Variants in PTPRT observed in about 807,000 individuals in gnomAD.
The protein encoded by PTPRT is receptor-type tyrosine-protein phosphatase T.
In PTPRT, 56 loss-of-function variants were observed where a neutral mutation model predicts 176.8. That is an observed-to-expected ratio of 0.32 (90% CI 0.26 to 0.40). The LOEUF (loss-of-function observed/expected upper bound fraction) is 0.40, where lower values mean the gene tolerates loss of function less well. Among genes scored for constraint, PTPRT ranks in the 10% least tolerant of loss-of-function variants. The pLI is 1.00. For missense variants in PTPRT, 1,540 were observed against 1,908.2 expected (o/e 0.81, Z 3.60); for synonymous variants, 783 against 739.0 (o/e 1.06, Z -0.96).
chr20:42,645,811 G>A (rs1393844341), intron 7 of PTPRT, among the ~76,000 whole-genome samples: 2 of 142,190 alleles, frequency 1.4e-5, no homozygotes, highest in Non-Finnish European at 1.5e-5. Context: ...TGTAGGGAGG[G>A]GTGACAGAGA....
chr20:42,125,800 T>C (rs550800184), intron 19 of PTPRT, among the ~76,000 whole-genome samples: 3 of 152,272 alleles, frequency 2.0e-5, no homozygotes, highest in Non-Finnish European at 4.4e-5. Context: ...TTGGAGTGAG[T>C]GCCTATCTAG....
chr20:42,494,692 T>C (rs1419381916), intron 7 of PTPRT, among the ~76,000 whole-genome samples: 1 of 152,134 alleles, frequency 6.6e-6, no homozygotes, highest in Non-Finnish European at 1.5e-5. Context: ...GAAAAATTAA[T>C]TGTACAAAAG....
At chr20:42,275,785 A>G (rs1432247707) in intron 13 of PTPRT, among the ~76,000 whole-genome samples, 2 of 152,204 alleles carry the variant, frequency 1.3e-5, no homozygotes, top group East Asian at 3.8e-4. Flanking sequence ...TTGACATTTT[A>G]GGACCTAGAA....
At chr20:42,537,711 A>G (rs145927799) in intron 7 of PTPRT, among the ~76,000 whole-genome samples, 5 of 152,190 alleles carry the variant, frequency 3.3e-5, no homozygotes, top group Non-Finnish European at 5.9e-5. Flanking sequence ...GCAACAGGAG[A>G]CAGGATAGAC....
At chr20:42,031,898 T>C in the PTPRT span, among the ~76,000 whole-genome samples, 4 of 152,214 alleles carry the variant, frequency 2.6e-5, no homozygotes, top group Admixed American at 2.0e-4. Context: ...TTCATAACCC[T>C]ATGTATCAGG....
chr20:42,581,249 C>A lies in PTPRT; in HGVS notation c.1153+96617G>T, dbSNP rs367938868. On this transcript the variant is annotated intron_variant, in intron 7 of 30. Transcript: ENST00000373187. Reference sequence around the variant, plus strand: ...TCAATATATCACTTCCTCAATGAGGCCTACTCTTTAAAATTATTAACCACT... The same window carrying A: ...TCAATATATCACTTCCTCAATGAGGACTACTCTTTAAAATTATTAACCACT... 3.1e-3 allele frequency among the ~76,000 whole-genome samples: 469 copies of A among 152,280 alleles called. 20 individuals are homozygous for A. The South Asian group carries it at 0.093, about 30-fold the overall frequency.
chr20:42,453,590 T>A (rs1366896217), intron 8 of PTPRT, among the ~76,000 whole-genome samples: 1 of 152,004 alleles, frequency 6.6e-6, no homozygotes, highest in Non-Finnish European at 1.5e-5. Flanking sequence ...GTCTCCTTTT[T>A]CTTTCTCCAT....
intron 2 of PTPRT, among the ~76,000 whole-genome samples, chr20:42,861,021 C>G (rs1220647151): frequency 6.6e-6 from 1 of 152,182 alleles, no homozygotes; most frequent in East Asian, 1.9e-4. Context: ...CACTTTCACC[C>G]ACCAACCTAG....
intron 8 of PTPRT, among the ~76,000 whole-genome samples, chr20:42,449,252 G>A (rs1405450324): frequency 6.6e-6 from 1 of 152,124 alleles, no homozygotes; most frequent in African/African-American, 2.4e-5. Flanking sequence ...TTGTTGGTTG[G>A]ATGAATAGGT....
intron 8 of PTPRT, among the ~76,000 whole-genome samples, chr20:42,466,420 T>C (rs1283982607): frequency 1.3e-5 from 2 of 152,110 alleles, no homozygotes; most frequent in Non-Finnish European, 2.9e-5. Context: ...AATATAACCA[T>C]ACAGAGAAAA....
At chr20:42,155,454 C>T (rs972789647) in intron 17 of PTPRT, among the ~76,000 whole-genome samples, 2 of 152,112 alleles carry the variant, frequency 1.3e-5, no homozygotes. Flanking sequence ...CCAATTGGTT[C>T]TTATTTAGAC....
chr20:42,701,800 C>T (rs867668604), intron 6 of PTPRT, among the ~76,000 whole-genome samples: 2 of 152,046 alleles, frequency 1.3e-5, no homozygotes, highest in South Asian at 4.2e-4. Context: ...TTTTCATAGT[C>T]CTCACACTAA....
At chr20:43,015,358 GGT>G (rs1166438730) in intron 1 of PTPRT, among the ~76,000 whole-genome samples, 1 of 152,178 alleles carries the variant, frequency 6.6e-6, no homozygotes, top group African/African-American at 2.4e-5. Flanking sequence ...GAACATAGTA[GGT>G]GTGCAAAAGT....
chr20:42,402,590 A>G (rs1234081936), intron 9 of PTPRT, among the ~76,000 whole-genome samples: 6 of 152,180 alleles, frequency 3.9e-5, no homozygotes, highest in South Asian at 2.1e-4. Flanking sequence ...CCCACATCCA[A>G]TAATATGCGG....
At chr20:42,668,953 G>T (rs943617789) in intron 7 of PTPRT, among the ~76,000 whole-genome samples, 2 of 139,704 alleles carry the variant, frequency 1.4e-5, no homozygotes, top group African/African-American at 5.3e-5. Context: ...CTCATGATCC[G>T]CCCGCCTCGG....
chr20:43,009,447 T>G (rs1985013978), intron 1 of PTPRT, among the ~76,000 whole-genome samples: 1 of 152,056 alleles, frequency 6.6e-6, no homozygotes, highest in African/African-American at 2.4e-5. Context: ...AGCTGGGATG[T>G]TGAAAGACGG....
chr20:42,106,121 A>C (rs1986411380), intron 24 of PTPRT, among the ~76,000 whole-genome samples: 1 of 152,218 alleles, frequency 6.6e-6, no homozygotes, highest in Admixed American at 6.5e-5. Context: ...TAAATTGGAG[A>C]TAATACTAGG....
chr20:42,616,808 A>G (rs1238839097), intron 7 of PTPRT, among the ~76,000 whole-genome samples: 1 of 137,130 alleles, frequency 7.3e-6, no homozygotes, highest in Non-Finnish European at 1.5e-5. Context: ...GAATTTGCTG[A>G]AGTTGCTTAA....
At chr20:42,765,461 T>A (rs2076969902) in intron 5 of PTPRT, among the ~76,000 whole-genome samples, 1 of 152,226 alleles carries the variant, frequency 6.6e-6, no homozygotes, top group African/African-American at 2.4e-5. Flanking sequence ...CAGCAAAGGC[T>A]TCTTCGTATA....
Sources: gnomAD v4.1 joint callset for allele counts (sites outside exome capture counted in the v4.1 genomes callset) on GRCh38, gnomAD v4.1.1 for gene constraint, MANE v1.5 for transcripts, NCBI Gene and HGNC (gene_info 2026-07-23, HGNC 2026-07-21) for gene names.